Variants in SCRT2 observed in about 807,000 individuals in gnomAD.
SCRT2 encodes the protein scratch family transcriptional repressor 2, also known as transcriptional repressor scratch 2.
In SCRT2, 2 loss-of-function variants were observed where a neutral mutation model predicts 3.7. That is an observed-to-expected ratio of 0.54 (90% CI 0.22 to 1.70). SCRT2 has a LOEUF of 1.70. Ranked by LOEUF, SCRT2 falls within the 40% of genes most tolerant of loss-of-function variation. The probability of loss-of-function intolerance (pLI) is 0.19; values close to 1 mark genes in which losing one functional copy is unlikely to be tolerated. For synonymous variants in SCRT2, 256 were observed against 220.6 expected (o/e 1.16, Z -1.42); for missense variants, 456 against 468.5 (o/e 0.97, Z 0.25).
At chr20:671,638 G>A (rs1984335905) in intron 1 of SCRT2, among the ~76,000 whole-genome samples, 1 of 152,244 alleles carries the variant, frequency 6.6e-6, no homozygotes, top group African/African-American at 2.4e-5. Context: ...GGCACCATCA[G>A]AGGGAGTGAG....
Position 662,137 on chromosome 20 carries a change from G to C in SCRT2, c.*1534C>G, listed in dbSNP as rs1983971565. The C allele has an allele frequency of 6.5e-6, 1 of 152,952 alleles. No individual in the cohort carries two copies. Among genetic ancestry groups the C allele is most frequent in the African/African-American group, 2.4e-5 (1 of 41,466 alleles). The allele number at this position is 152,952 out of a possible 1,614,324, so 9.5% of individuals were successfully genotyped here. ...CGGAGGAGGTAGTGGCGGCCAACGGGCGGGTGGCTGGCAGCCCGGCCCCTC... is the reference window on the plus strand; with the variant it reads ...CGGAGGAGGTAGTGGCGGCCAACGGCCGGGTGGCTGGCAGCCCGGCCCCTC... On this transcript the variant is annotated 3_prime_UTR_variant, in exon 2 of 2. Coordinates refer to ENST00000246104, the MANE Select transcript of SCRT2 (RefSeq NM_033129.4).
In SCRT2 at chr20:664,175, C is replaced by T. The variant is rs1287794944; in HGVS notation, c.420G>A (p.Gly140=). ...CCTGCGCCCCCGCGCGCCCCGCGCGCCCCCCGGCGCCCCCCGCGTCTCCCG... is the reference window on the plus strand; with the variant it reads ...CCTGCGCCCCCGCGCGCCCCGCGCGTCCCCCGGCGCCCCCCGCGTCTCCCG... The part of the protein sequence containing the change: ...GGSGDAGGAG[G]RAGRAGAQAG... The change falls in exon 2 of 2, where the codon GGG becomes GGA. Residue 140 remains glycine (G), a synonymous_variant. Transcript: ENST00000246104. This position sits in a 1 kb window ranked among gnomAD's most constrained non-coding sequence, Gnocchi z 7.9. 41 of 1,027,054 alleles carry T rather than the reference C, an allele frequency of 4.0e-5. No homozygotes were observed. Among genetic ancestry groups the T allele is most frequent in the South Asian group, 2.2e-4 (5 of 22,552 alleles). The allele number at this position is 1,027,054 out of a possible 1,614,324, so 63.6% of individuals were successfully genotyped here.
At position 664,040 on chromosome 20, in the gene SCRT2, C is replaced by T. The variant is rs1568651089; in HGVS notation, c.555G>A (p.Ala185=). ...QTHRSLDSQL[A]RKCPTCGKAY... is the part of the protein sequence containing the mutation. Reference sequence around the variant, plus strand: ...CCTTGCCGCACGTCGGGCATTTGCGCGCCAGCTGGCTGTCCAGGCTGCGGT... The same window carrying T: ...CCTTGCCGCACGTCGGGCATTTGCGTGCCAGCTGGCTGTCCAGGCTGCGGT... Residue 185 remains alanine (A), a synonymous_variant, in exon 2 of 2, where the codon GCG becomes GCA. Coordinates refer to ENST00000246104, the MANE Select transcript of SCRT2 (RefSeq NM_033129.4). This position sits in a 1 kb window ranked among gnomAD's most constrained non-coding sequence, Gnocchi z 7.9. The T allele has an allele frequency of 6.2e-7, 1 of 1,611,996 alleles. No homozygotes were observed. The highest frequency in any genetic ancestry group is 8.5e-7 in the Non-Finnish European group (1 of 1,179,596).
rs145200120 is a variant in SCRT2, at chr20:671,250, A to G, written c.133+4219T>C. On this transcript the variant is annotated intron_variant, in intron 1 of 1. Transcript: ENST00000246104. Reference sequence around the variant, plus strand: ...AACCTCAGACACTGACCTTGGACCTAGTCCTTGGACCTGGTCCTATACCTG... The same window carrying G: ...AACCTCAGACACTGACCTTGGACCTGGTCCTTGGACCTGGTCCTATACCTG... 8.2e-4 allele frequency among the ~76,000 whole-genome samples: 125 copies of G among 152,330 alleles called. 1 individual carries two copies. The East Asian group carries it at 0.023, about 28-fold the overall frequency.
At position 666,567 on chromosome 20, in the gene SCRT2, T is replaced by A. The variant is rs1984161158; in HGVS notation, c.134-2106A>T. On this transcript the variant is annotated intron_variant, in intron 1 of 1. Coordinates refer to ENST00000246104, the MANE Select transcript of SCRT2 (RefSeq NM_033129.4). This position sits in a 1 kb window ranked among gnomAD's most constrained non-coding sequence, Gnocchi z 4.4. ...ATAAGGAAACTGAGGGACAGTGTGG[T>A]GATGGCACTTGCTCCAGGGGTGGAG... Among the ~76,000 whole-genome samples, 1 of 152,182 alleles carries A rather than the reference T, an allele frequency of 6.6e-6. No individual in the cohort carries two copies.
Position 667,671 on chromosome 20 carries a change from G to A in SCRT2, c.134-3210C>T, listed in dbSNP as rs958526410. ...GGGCTCTTTATGAAGAAATAGGGGTGCCTTCAACAAAGGCTGCTCATTTGC... is the reference window on the plus strand; with the variant it reads ...GGGCTCTTTATGAAGAAATAGGGGTACCTTCAACAAAGGCTGCTCATTTGC... On this transcript the variant is annotated intron_variant, in intron 1 of 1. Coordinates refer to ENST00000246104, the MANE Select transcript of SCRT2 (RefSeq NM_033129.4). This position sits in a 1 kb window ranked among gnomAD's most constrained non-coding sequence, Gnocchi z 4.4. 2.0e-5 allele frequency among the ~76,000 whole-genome samples: 3 copies of A among 152,294 alleles called. No individual in the cohort carries two copies. Among genetic ancestry groups the A allele is most frequent in the African/African-American group, 4.8e-5 (2 of 41,568 alleles).
intron 1 of SCRT2, among the ~76,000 whole-genome samples, chr20:673,945 C>G (rs1248858386): frequency 1.3e-5 from 2 of 152,222 alleles, no homozygotes; most frequent in Admixed American, 1.3e-4. Context: ...GGCATGGCCC[C>G]AGGTCCACCC....
intron 1 of SCRT2, among the ~76,000 whole-genome samples, chr20:672,388 CGTGTGTGTGTGTGTGTGTGT>C (rs6147265): frequency 1.4e-5 from 2 of 147,288 alleles, no homozygotes; most frequent in African/African-American, 5.0e-5. Flanking sequence ...GAGCATTGCT[CGTGTGTGTGTGTGTGTGTGT>C]GTGTGTGTGT....
chr20:664,171 C>CGCGCCCCCCG lies in SCRT2; in HGVS notation c.414_423dup (p.Ala142ArgfsTer251). On this transcript the variant is annotated frameshift_variant, in exon 2 of 2. Coordinates refer to ENST00000246104, the MANE Select transcript of SCRT2 (RefSeq NM_033129.4). LOFTEE classifies it low-confidence loss of function (END_TRUNC). The surrounding 1 kb of genome is among the most constrained non-coding windows in gnomAD (Gnocchi z 7.9). ...CCCGCCTGCGCCCCCGCGCGCCCCG[C>CGCGCCCCCCG]GCGCCCCCCGGCGCCCCCCGCGTCT... 9.4e-7 allele frequency: 1 copy of CGCGCCCCCCG among 1,061,428 alleles called. No homozygotes were observed. The highest frequency in any genetic ancestry group is 1.1e-6 in the Non-Finnish European group (1 of 881,100). The allele number at this position is 1,061,428 out of a possible 1,614,324, so 65.8% of individuals were successfully genotyped here.
At chr20:668,281 C>G (rs1984220113) in intron 1 of SCRT2, among the ~76,000 whole-genome samples, 1 of 152,178 alleles carries the variant, frequency 6.6e-6, no homozygotes, top group African/African-American at 2.4e-5. Flanking sequence ...AACCACCTCA[C>G]CTCTCTGAGC....
In SCRT2 at chr20:664,871, A is replaced by G. The variant is rs530208551; in HGVS notation, c.134-410T>C. Among the ~76,000 whole-genome samples the G allele has an allele frequency of 1.1e-4, 17 of 152,370 alleles. No homozygotes were observed. The highest frequency in any genetic ancestry group is 7.8e-4 in the Admixed American group (12 of 15,308). On this transcript the variant is annotated intron_variant, in intron 1 of 1. Coordinates refer to ENST00000246104, the MANE Select transcript of SCRT2 (RefSeq NM_033129.4). This position sits in a 1 kb window ranked among gnomAD's most constrained non-coding sequence, Gnocchi z 7.9. ...TGACCCTGAAGCCCATGCTGTCTCT[A>G]TTCCAACAACATGCTGCCGTTGCAG... is the stretch of plus-strand genomic sequence containing the variant.
chr20:666,715 A>G lies in SCRT2; in HGVS notation c.134-2254T>C, dbSNP rs1471942850. Among the ~76,000 whole-genome samples, 1 of 152,128 alleles carries G rather than the reference A, an allele frequency of 6.6e-6. No homozygotes were observed. The highest frequency in any genetic ancestry group is 1.5e-5 in the Non-Finnish European group (1 of 68,030). On this transcript the variant is annotated intron_variant, in intron 1 of 1. Transcript: ENST00000246104. The surrounding 1 kb of genome is among the most constrained non-coding windows in gnomAD (Gnocchi z 4.4). ...CCTAGCTAGTGGGCACTTAATAAGTATTTGTGGAATGAGTGATGATGATTT... is the reference window on the plus strand; with the variant it reads ...CCTAGCTAGTGGGCACTTAATAAGTGTTTGTGGAATGAGTGATGATGATTT...
intron 1 of SCRT2, among the ~76,000 whole-genome samples, chr20:673,828 G>A (rs1313461196): frequency 1.3e-5 from 2 of 152,194 alleles, no homozygotes; most frequent in African/African-American, 2.4e-5. Flanking sequence ...GCTTCAGGGG[G>A]TGGAATCCCA....
intron 1 of SCRT2, among the ~76,000 whole-genome samples, chr20:668,840 T>C (rs2122350629): frequency 6.6e-6 from 1 of 152,340 alleles, no homozygotes; most frequent in Middle Eastern, 3.4e-3. Context: ...CCTGACCCCC[T>C]GCGGGGATGG....
rs1337818927 is a variant in SCRT2, at chr20:665,213, T to TC, written c.134-753dup. On this transcript the variant is annotated intron_variant, in intron 1 of 1. Transcript: ENST00000246104. The surrounding 1 kb of genome is among the most constrained non-coding windows in gnomAD (Gnocchi z 5.0). ...TTTTACTTGCTTGGAGATAGTTTCC[T>TC]CCCCCACCACACTGTGAGCTCCCCA... is the stretch of plus-strand genomic sequence containing the variant. Among the ~76,000 whole-genome samples the TC allele has an allele frequency of 6.6e-6, 1 of 152,176 alleles. No individual in the cohort carries two copies. The highest frequency in any genetic ancestry group is 1.5e-5 in the Non-Finnish European group (1 of 68,038).
chr20:663,863 G>C lies in SCRT2; in HGVS notation c.732C>G (p.His244Gln), dbSNP rs754916635. Residue 244 changes from histidine (H) to glutamine (Q), a missense_variant, in exon 2 of 2, where the codon CAC becomes CAG. By Grantham distance (24) the His-to-Gln change is conservative (BLOSUM62 0). This residue lies in a region of SCRT2 where 144 missense variants were observed against 141.9 expected (regional missense o/e 1.01). Coordinates refer to ENST00000246104, the MANE Select transcript of SCRT2 (RefSeq NM_033129.4). This position sits in a 1 kb window ranked among gnomAD's most constrained non-coding sequence, Gnocchi z 6.9. ...HTGEKPFGCAHCGKAFADRSN... is the reference protein window; with the variant it reads ...HTGEKPFGCAQCGKAFADRSN... ...AGCGGTCGGCGAAGGCCTTGCCGCA[G>C]TGCGCGCAGCCGAACGGCTTTTCGC... 3 of 1,598,444 alleles carry C rather than the reference G, an allele frequency of 1.9e-6. No homozygotes were observed. The East Asian group carries it at 6.8e-5, about 36-fold the overall frequency.
rs1305517608 is a variant in SCRT2 at position 666,781 on chromosome 20, T to A, written c.134-2320A>T. 1.3e-5 allele frequency among the ~76,000 whole-genome samples: 2 copies of A among 152,216 alleles called. No individual in the cohort carries two copies. Among genetic ancestry groups the A allele is most frequent in the East Asian group, 1.9e-4 (1 of 5,194 alleles). On this transcript the variant is annotated intron_variant, in intron 1 of 1. Coordinates refer to ENST00000246104, the MANE Select transcript of SCRT2 (RefSeq NM_033129.4). This position sits in a 1 kb window ranked among gnomAD's most constrained non-coding sequence, Gnocchi z 4.4. ...CTCCCCAGCCTAGCAGGACCTGGTA[T>A]AGACAGTCCTGTTCACCTGGTCTCA...
intron 1 of SCRT2, among the ~76,000 whole-genome samples, chr20:670,093 T>C (rs1423368317): frequency 6.6e-6 from 1 of 152,210 alleles, no homozygotes; most frequent in African/African-American, 2.4e-5. Flanking sequence ...TGTGACCCAA[T>C]TCCTGTGGCC....
At position 663,886 on chromosome 20, in the gene SCRT2, C is replaced by G; in HGVS notation, c.709G>C (p.Glu237Gln). ...LQGHMRSHTG[E>Q]KPFGCAHCGK... ...CAGTGCGCGCAGCCGAACGGCTTTT[C>G]GCCGGTGTGCGAGCGCATGTGACCC... is the stretch of plus-strand genomic sequence containing the variant. The change falls in exon 2 of 2, where the codon GAA becomes CAA. Residue 237 changes from glutamate to glutamine, a missense_variant. By Grantham distance (29) the Glu-to-Gln change is conservative. Coordinates refer to ENST00000246104, the MANE Select transcript of SCRT2 (RefSeq NM_033129.4). This position sits in a 1 kb window ranked among gnomAD's most constrained non-coding sequence, Gnocchi z 6.9. 4 of 1,602,716 alleles carry G rather than the reference C, an allele frequency of 2.5e-6. No individual in the cohort carries two copies. The highest frequency in any genetic ancestry group is 3.4e-6 in the Non-Finnish European group (4 of 1,177,014).
Sources: allele counts gnomAD v4.1 joint callset (sites outside exome capture counted in the v4.1 genomes callset), GRCh38; gene constraint gnomAD v4.1.1; regional missense constraint gnomAD v4.1.1; non-coding constraint Gnocchi (gnomAD v3.1); transcripts MANE v1.5; gene names NCBI Gene and HGNC (gene_info 2026-07-23, HGNC 2026-07-21).